The following UMAD1 variants were observed in gnomAD, a reference collection of about 807,000 sequenced individuals.
The protein encoded by UMAD1 is UBAP1-MVB12-associated (UMA)-domain containing protein 1.
A neutral mutation model predicts 6.1 loss-of-function variants in UMAD1; 8 were observed. That is an observed-to-expected ratio of 1.30 (90% confidence interval 0.76 to 2.35). The LOEUF is 2.35. Ranked by LOEUF, UMAD1 falls within the 30% of genes most tolerant of loss-of-function variation. UMAD1 has a pLI of 0.00. For missense variants in UMAD1, 130 were observed against 78.4 expected, an observed-to-expected ratio of 1.66 and a Z score of -2.49; for synonymous variants, 56 against 31.4, an observed-to-expected ratio of 1.78 and a Z score of -2.61.
chr7:7,801,278 G>A (rs1410441124), intron 2 of UMAD1, among the ~76,000 whole-genome samples: 3 of 152,192 alleles, frequency 2.0e-5, no homozygotes, highest in Non-Finnish European at 4.4e-5. Flanking sequence ...CAAAGAGTAA[G>A]CCTTATGAAA....
chr7:7,701,666 A>T (rs1356143612), intron 2 of UMAD1, among the ~76,000 whole-genome samples: 1 of 152,110 alleles, frequency 6.6e-6, no homozygotes. Flanking sequence ...TATGATTAGG[A>T]GGCTGATTAG....
intron 3 of UMAD1, among the ~76,000 whole-genome samples, chr7:7,839,786 G>C (rs1472894539): frequency 2.0e-5 from 3 of 152,164 alleles, no homozygotes; most frequent in African/African-American, 7.2e-5. Context: ...TGTTACAGTT[G>C]CATGTAGGTT....
chr7:7,757,986 G>A (rs117550185), intron 2 of UMAD1, among the ~76,000 whole-genome samples: 1 of 152,136 alleles, frequency 6.6e-6, no homozygotes, highest in East Asian at 1.9e-4. Flanking sequence ...AAATGCAAAA[G>A]TAGAGGGAGG....
Position 7,643,711 on chromosome 7 carries a change from C to CA in UMAD1, c.-64+2904dup, listed in dbSNP as rs34403294. Among the ~76,000 whole-genome samples the CA allele has an allele frequency of 3.4e-3, 226 of 66,932 alleles. 1 individual carries two copies. The highest frequency in any genetic ancestry group is 0.016 in the Middle Eastern group (2 of 128). 43.9% of individuals were successfully genotyped at this position (66,932 alleles called of 152,430 possible). The stretch of plus-strand genomic sequence containing the variant: ...TGGGCCACAGAGCGAGACTCCCTCT[C>CA]AAAAAAAAAAAAAACAAACAAACGA... On this transcript the variant is annotated intron_variant, in intron 1 of 3. Transcript: ENST00000682710.
intron 3 of UMAD1, among the ~76,000 whole-genome samples, chr7:7,848,325 C>G (rs1783849568): frequency 6.6e-6 from 1 of 152,076 alleles, no homozygotes; most frequent in Non-Finnish European, 1.5e-5. Context: ...AGAAAGAAAA[C>G]ACATTTTAGC....
At chr7:7,833,119 G>A (rs1490290570) in intron 3 of UMAD1, among the ~76,000 whole-genome samples, 1 of 152,138 alleles carries the variant, frequency 6.6e-6, no homozygotes, top group Non-Finnish European at 1.5e-5. Flanking sequence ...AGTTTGGCAG[G>A]AAACTTTTTA....
chr7:7,787,350 A>AT (rs1283277304), intron 2 of UMAD1, among the ~76,000 whole-genome samples: 2 of 152,198 alleles, frequency 1.3e-5, no homozygotes, highest in African/African-American at 4.8e-5. Context: ...ATGACTCCAG[A>AT]TTTTTTGAAA....
chr7:7,874,922 A>C (rs1046939478), intron 3 of UMAD1, among the ~76,000 whole-genome samples: 1 of 152,008 alleles, frequency 6.6e-6, no homozygotes, highest in Non-Finnish European at 1.5e-5. Flanking sequence ...AAATTTAGCA[A>C]GTTACACCCT....
intron 1 of UMAD1, among the ~76,000 whole-genome samples, chr7:7,650,684 A>C (rs879755102): frequency 1.3e-5 from 2 of 152,240 alleles, no homozygotes; most frequent in Non-Finnish European, 2.9e-5. Flanking sequence ...TGGCAATGTT[A>C]CTTGTGCCAA....
intron 2 of UMAD1, among the ~76,000 whole-genome samples, chr7:7,763,742 G>C (rs17137427): frequency 0.037 from 5,664 of 152,190 alleles, 129 homozygotes; most frequent in Middle Eastern, 0.089. Context: ...TACAAAAATA[G>C]TAGAGTGATT....
intron 2 of UMAD1, among the ~76,000 whole-genome samples, chr7:7,697,044 A>G (rs1044556356): frequency 1.4e-4 from 22 of 152,284 alleles, no homozygotes; most frequent in Admixed American, 6.5e-4. Context: ...TACACATGCC[A>G]AGCAGTCAGC....
intron 1 of UMAD1, among the ~76,000 whole-genome samples, chr7:7,663,933 A>C (rs1563098247): frequency 6.6e-6 from 1 of 152,322 alleles, no homozygotes; most frequent in East Asian, 1.9e-4. Context: ...CAGGAAATCT[A>C]CTGAATTCTA....
At chr7:7,811,507 A>G (rs1165455369) in intron 3 of UMAD1, among the ~76,000 whole-genome samples, 2 of 152,178 alleles carry the variant, frequency 1.3e-5, no homozygotes, top group Non-Finnish European at 2.9e-5. Flanking sequence ...CTCACTAAGT[A>G]TGATCTAGGA....
intron 2 of UMAD1, among the ~76,000 whole-genome samples, chr7:7,675,754 G>A (rs10257718): frequency 0.66 from 100,258 of 151,998 alleles, 33,221 homozygotes; most frequent in East Asian, 0.86. Context: ...GTCATGGTGA[G>A]GAATCACTTC....
intron 3 of UMAD1, among the ~76,000 whole-genome samples, chr7:7,864,595 T>C (rs1327237198): frequency 2.3e-5 from 3 of 129,536 alleles, no homozygotes; most frequent in African/African-American, 9.2e-5. Flanking sequence ...GAGGAGAACA[T>C]GAAAACTACA....
At chr7:7,801,284 T>C (rs1782793753) in intron 2 of UMAD1, among the ~76,000 whole-genome samples, 1 of 152,240 alleles carries the variant, frequency 6.6e-6, no homozygotes, top group Admixed American at 6.5e-5. Context: ...GTAAGCCTTA[T>C]GAAAAACTAA....
At chr7:7,653,287 G>C (rs1246834103) in intron 1 of UMAD1, among the ~76,000 whole-genome samples, 2 of 152,192 alleles carry the variant, frequency 1.3e-5, no homozygotes, top group African/African-American at 4.8e-5. Context: ...ATATAAATGT[G>C]TCACTGTATC....
intron 3 of UMAD1, among the ~76,000 whole-genome samples, chr7:7,856,914 T>C (rs1784029695): frequency 6.6e-6 from 1 of 152,078 alleles, no homozygotes; most frequent in Admixed American, 6.5e-5. Flanking sequence ...GAATAGTTTT[T>C]ATGTTTCCTT....
At chr7:7,814,019 C>T (rs1019529883) in intron 3 of UMAD1, among the ~76,000 whole-genome samples, 2 of 151,510 alleles carry the variant, frequency 1.3e-5, no homozygotes, top group Admixed American at 1.3e-4. Context: ...GAGTCTCGCT[C>T]TGTTGCCAGG....
Sources: allele counts gnomAD v4.1 joint callset (sites outside exome capture counted in the v4.1 genomes callset), GRCh38; gene constraint gnomAD v4.1.1; transcripts MANE v1.5; gene names NCBI Gene and HGNC (gene_info 2026-07-23, HGNC 2026-07-21).